Variants in WRNIP1 observed in about 807,000 individuals in gnomAD.
WRNIP1 encodes the protein WRN helicase interacting protein 1, also known as ATPase WRNIP1.
A neutral mutation model predicts 56.1 loss-of-function variants in WRNIP1; 41 were observed. The ratio of observed to expected loss-of-function variants is 0.73; its 90% CI spans 0.57 to 0.95. The LOEUF is 0.95. Among genes scored for constraint, WRNIP1 ranks in the 40% least tolerant of loss-of-function variants. The pLI is 0.00. For synonymous variants in WRNIP1, 547 were observed against 398.1 expected (o/e 1.37, Z -4.45); for missense variants, 1,170 against 939.4 (o/e 1.25, Z -3.21).
intron 2 of WRNIP1, 89 bp downstream of exon 2, chr6:2,768,971 C>G (rs160658): frequency 7.6e-7 from 1 of 1,324,026 alleles, no homozygotes; most frequent in South Asian, 1.5e-5. Context: ...TAGAGACTTA[C>G]GAGCTTTGTT....
At chr6:2,784,765 T>C (rs181756020) in intron 6 of WRNIP1, among the ~76,000 whole-genome samples, 100 of 151,908 alleles carry the variant, frequency 6.6e-4, no homozygotes, top group African/African-American at 2.2e-3. Flanking sequence ...TTTAATGTAG[T>C]AAAAAGTCCT....
In WRNIP1 at chr6:2,784,417, C is replaced by G. The variant is rs1581145521; in HGVS notation, c.1722+14C>G. Reference sequence around the variant, plus strand: ...CCTGAATGTGAGGTAAAGTAATCAGCTCATTTCTTGCAAATCACTTCTTTT... The same window carrying G: ...CCTGAATGTGAGGTAAAGTAATCAGGTCATTTCTTGCAAATCACTTCTTTT... On this transcript the variant is annotated intron_variant, in intron 6 of 6. Coordinates refer to ENST00000380773, the MANE Select transcript of WRNIP1 (RefSeq NM_020135.3). 6.2e-7 allele frequency: 1 copy of G among 1,613,044 alleles called. No individual in the cohort carries two copies. The highest frequency in any genetic ancestry group is 1.3e-5 in the African/African-American group (1 of 75,020).
rs1018870827 is a variant in WRNIP1 at position 2,786,575 on chromosome 6, A to G, written c.*1293A>G. 1 of 152,256 alleles carries G rather than the reference A, an allele frequency of 6.6e-6. No individual in the cohort carries two copies. Among genetic ancestry groups the G allele is most frequent in the African/African-American group, 2.4e-5 (1 of 41,448 alleles). The allele number at this position is 152,256 out of a possible 1,614,324, so 9.4% of individuals were successfully genotyped here. A position where few individuals can be genotyped will look rare whatever the true frequency, so the allele number is the denominator to read the frequency against. ...GTGGCATGTACCCTCTAGTAGCTTT[A>G]TGGAGCAGGGGTGTGTGGAGGAAAA... On this transcript the variant is annotated 3_prime_UTR_variant, in exon 7 of 7. Coordinates refer to ENST00000380773, the MANE Select transcript of WRNIP1 (RefSeq NM_020135.3).
chr6:2,782,339 C>A (rs1389729287), intron 4 of WRNIP1, among the ~76,000 whole-genome samples: 1 of 152,258 alleles, frequency 6.6e-6, no homozygotes, highest in Non-Finnish European at 1.5e-5. Context: ...CATCCATCTG[C>A]CCTGGCTCTC....
chr6:2,780,984 C>G (rs1316738975), intron 4 of WRNIP1, among the ~76,000 whole-genome samples: 1 of 152,162 alleles, frequency 6.6e-6, no homozygotes, highest in Non-Finnish European at 1.5e-5. Flanking sequence ...AATATTACCC[C>G]CATTTTAAGA....
chr6:2,766,524 T>C, intron 1 of WRNIP1, 80 bp downstream of exon 1: 1 of 1,420,260 alleles, frequency 7.0e-7, no homozygotes, highest in East Asian at 2.6e-5. Context: ...CCGGGTGTGC[T>C]GCCCTCGAAA....
chr6:2,765,884 G>T lies in WRNIP1; in HGVS notation c.262G>T (p.Ala88Ser). ...SALKQPATPTAAESSEGEGEE... is the reference protein window; with the variant it reads ...SALKQPATPTSAESSEGEGEE... Reference sequence around the variant, plus strand: ...GCTGAAGCAGCCAGCCACCCCGACGGCAGCCGAGAGCAGCGAGGGCGAGGG... The same window carrying T: ...GCTGAAGCAGCCAGCCACCCCGACGTCAGCCGAGAGCAGCGAGGGCGAGGG... The change falls in exon 1 of 7, where the codon GCA becomes TCA. Residue 88 changes from alanine (A) to serine (S), a missense_variant. Ala to Ser is a moderately conservative substitution (Grantham distance 99). Coordinates refer to ENST00000380773, the MANE Select transcript of WRNIP1 (RefSeq NM_020135.3). The T allele has an allele frequency of 6.9e-7, 1 of 1,450,820 alleles. No homozygotes were observed. The highest frequency in any genetic ancestry group is 1.3e-5 in the South Asian group (1 of 75,304). The allele number at this position is 1,450,820 out of a possible 1,614,324, so 89.9% of individuals were successfully genotyped here. A position where few individuals can be genotyped will look rare whatever the true frequency, so the allele number is the denominator to read the frequency against.
At chr6:2,781,928 G>A (rs1765570780) in intron 4 of WRNIP1, among the ~76,000 whole-genome samples, 1 of 152,224 alleles carries the variant, frequency 6.6e-6, no homozygotes, top group Admixed American at 6.5e-5. Flanking sequence ...CATGAGCTTG[G>A]GGGTCCAGCC....
chr6:2,779,538 T>C (rs1482292638), intron 4 of WRNIP1, 46 bp downstream of exon 4: 15 of 1,566,776 alleles, frequency 9.6e-6, no homozygotes, highest in Non-Finnish European at 1.3e-5. Context: ...CGGAAAGAAG[T>C]GTGTGCACAC....
chr6:2,766,429 G>T lies in WRNIP1; in HGVS notation c.807G>T (p.Pro269=). 6.4e-7 allele frequency: 1 copy of T among 1,574,342 alleles called. No individual in the cohort carries two copies. Among genetic ancestry groups the T allele is most frequent in the Non-Finnish European group, 8.7e-7 (1 of 1,155,526 alleles). Residue 269 remains proline (P), a synonymous_variant, in exon 1 of 7, where the codon CCG becomes CCT. Transcript: ENST00000380773. Reference sequence around the variant, plus strand: ...TCCCCTCGCTTATCCTGTGGGGGCCGCCGGGCTGCGGCAAGGTGAGTGCGG... The same window carrying T: ...TCCCCTCGCTTATCCTGTGGGGGCCTCCGGGCTGCGGCAAGGTGAGTGCGG... ...NEIPSLILWG[P]PGCGKTTLAH...
Position 2,785,094 on chromosome 6 carries a change from C to G in WRNIP1, c.1810C>G (p.Leu604Val). ...CGCCTACAACAACGTCAAAGCCTGC[C>G]TGAGGAACCACCAGGGGCCACTGCC... ...YSAYNNVKACLRNHQGPLPPV... is the reference protein window; with the variant it reads ...YSAYNNVKACVRNHQGPLPPV... The change falls in exon 7 of 7, where the codon CTG becomes GTG. Residue 604 changes from leucine to valine, a missense_variant. Transcript: ENST00000380773. 5.0e-6 allele frequency: 8 copies of G among 1,614,210 alleles called. No individual in the cohort carries two copies. Among genetic ancestry groups the G allele is most frequent in the Non-Finnish European group, 6.8e-6 (8 of 1,180,052 alleles).
At chr6:2,781,849 G>A (rs1363935586) in intron 4 of WRNIP1, among the ~76,000 whole-genome samples, 2 of 152,198 alleles carry the variant, frequency 1.3e-5, no homozygotes, top group Non-Finnish European at 2.9e-5. Flanking sequence ...GAGGTAAGTG[G>A]TCTCGTTTTT....
At chr6:2,768,578 C>G in intron 1 of WRNIP1, 113 bp from the exon 2 acceptor site, 2 of 790,358 alleles carry the variant, frequency 2.5e-6, no homozygotes, top group Non-Finnish European at 3.8e-6. Flanking sequence ...AGCATTCTTC[C>G]GAGGTCAAGT....
At chr6:2,783,269 C>G in intron 4 of WRNIP1, 137 bp from the exon 5 acceptor site, 2 of 921,772 alleles carry the variant, frequency 2.2e-6, no homozygotes, top group Admixed American at 3.3e-5. Context: ...ACGGTTAAGG[C>G]AGCTGCCCAA....
chr6:2,786,207 C>T lies in WRNIP1; in HGVS notation c.*925C>T, dbSNP rs1046993535. The T allele has an allele frequency of 2.0e-5, 3 of 152,386 alleles. No homozygotes were observed. Among genetic ancestry groups the T allele is most frequent in the Admixed American group, 6.5e-5 (1 of 15,292 alleles). The allele number at this position is 152,386 out of a possible 1,614,324, so 9.4% of individuals were successfully genotyped here. A position where few individuals can be genotyped will look rare whatever the true frequency, so the allele number is the denominator to read the frequency against. Reference sequence around the variant, plus strand: ...TTCTCCTCCTGCTGTTGCGTGATCCCTCCTGGGGTCCTCCTGCCATGTCTG... The same window carrying T: ...TTCTCCTCCTGCTGTTGCGTGATCCTTCCTGGGGTCCTCCTGCCATGTCTG... On this transcript the variant is annotated 3_prime_UTR_variant, in exon 7 of 7. Coordinates refer to ENST00000380773, the MANE Select transcript of WRNIP1 (RefSeq NM_020135.3).
At chr6:2,778,319 T>G (rs1765478438) in intron 3 of WRNIP1, among the ~76,000 whole-genome samples, 1 of 152,222 alleles carries the variant, frequency 6.6e-6, no homozygotes, top group Admixed American at 6.5e-5. Flanking sequence ...CTGAAAAATT[T>G]TATTTTTTTG....
chr6:2,779,571 CTGGG>C, intron 4 of WRNIP1, 79 bp downstream of exon 4: 1 of 1,460,012 alleles, frequency 6.8e-7, no homozygotes, highest in Non-Finnish European at 9.3e-7. Flanking sequence ...GGAAGCCTGA[CTGGG>C]TTCCGGAAGC....
intron 4 of WRNIP1, among the ~76,000 whole-genome samples, chr6:2,780,719 T>C (rs1240325872): frequency 1.3e-5 from 2 of 152,150 alleles, no homozygotes; most frequent in Non-Finnish European, 2.9e-5. Flanking sequence ...TTTTAAGACA[T>C]TAAAAAAATC....
chr6:2,783,653 T>TTTTTCC, intron 5 of WRNIP1, 92 bp downstream of exon 5: 1 of 119,820 alleles, frequency 8.3e-6, no homozygotes, highest in Admixed American at 2.9e-4. Flanking sequence ...TTTTTTTTTT[T>TTTTTCC]GCAGGGCGGG....
Sources: gnomAD v4.1 joint callset for allele counts (sites outside exome capture counted in the v4.1 genomes callset) on GRCh38, gnomAD v4.1.1 for gene constraint, MANE v1.5 for transcripts, NCBI Gene and HGNC (gene_info 2026-07-23, HGNC 2026-07-21) for gene names.